DNAJC6: variants seen among roughly 807,000 people sequenced by gnomAD.
The protein encoded by DNAJC6 is DnaJ heat shock protein family (Hsp40) member C6, also known as auxilin.
A neutral mutation model predicts 110.0 loss-of-function variants in DNAJC6; 34 were observed. That is an observed-to-expected ratio of 0.31 (90% confidence interval 0.24 to 0.41). The LOEUF is 0.41. Ranked by LOEUF, DNAJC6 falls within the 10% of genes least tolerant of loss-of-function variation. DNAJC6 has a pLI of 1.00. For missense variants in DNAJC6, 1,031 were observed against 1,207.8 expected (o/e 0.85, Z 2.17); for synonymous variants, 406 against 437.2 (o/e 0.93, Z 0.89).
At chr1:65,336,466 T>C (rs1645338018) in intron 1 of DNAJC6, among the ~76,000 whole-genome samples, 1 of 152,152 alleles carries the variant, frequency 6.6e-6, no homozygotes, top group Non-Finnish European at 1.5e-5. Context: ...ATATATAGTT[T>C]TCTAAATTCA....
At chr1:65,307,399 T>C (rs926198698), upstream of DNAJC6, among the ~76,000 whole-genome samples, 7 of 152,174 alleles carry the variant, frequency 4.6e-5, no homozygotes, top group Admixed American at 3.9e-4. Context: ...GAGATAGATA[T>C]TGAAAAATAC....
chr1:65,325,905 G>C (rs151249477), intron 1 of DNAJC6, among the ~76,000 whole-genome samples: 1 of 152,332 alleles, frequency 6.6e-6, no homozygotes, highest in Non-Finnish European at 1.5e-5. Flanking sequence ...ACAATGGTAA[G>C]TATATATCAA....
chr1:65,339,585 T>C (rs533238045), intron 1 of DNAJC6, among the ~76,000 whole-genome samples: 7 of 152,358 alleles, frequency 4.6e-5, no homozygotes, highest in Non-Finnish European at 1.0e-4. Flanking sequence ...ATACTACTAC[T>C]ACCACTACAT....
chr1:65,364,733 T>G lies in DNAJC6; in HGVS notation c.292T>G (p.Leu98Val). ...GCTCTTTAGTAACCTAAAGGACAAC[T>G]TGAAAGACACCCTCAAAGACACATC... ...GRLFSNLKDNLKDTLKDTSSR... is the reference protein window; with the variant it reads ...GRLFSNLKDNVKDTLKDTSSR... The change falls in exon 2 of 19, where the codon TTG becomes GTG. Residue 98 changes from leucine to valine, a missense_variant. Transcript: ENST00000371069. 6.2e-7 allele frequency: 1 copy of G among 1,613,042 alleles called. No homozygotes were observed. The highest frequency in any genetic ancestry group is 8.5e-7 in the Non-Finnish European group (1 of 1,179,508).
Position 65,365,931 on chromosome 1 carries a change from A to G in DNAJC6, c.391A>G (p.Ile131Val), listed in dbSNP as rs1191964863. ...LDFTYVTSRI[I>V]VMSFPLDNVD... ...CTTCACTTATGTTACCTCCAGAATTATTGGTAAGTTTCTCATGTTTATTAA... is the reference window on the plus strand; with the variant it reads ...CTTCACTTATGTTACCTCCAGAATTGTTGGTAAGTTTCTCATGTTTATTAA... The change falls in exon 3 of 19, where the codon ATT becomes GTT. Residue 131 changes from isoleucine (I) to valine (V), a missense_variant. By Grantham distance (29) the Ile-to-Val change is conservative. Coordinates refer to ENST00000371069, the MANE Select transcript of DNAJC6 (RefSeq NM_001256864.2). 2 of 1,613,442 alleles carry G rather than the reference A, an allele frequency of 1.2e-6. No homozygotes were observed. Among genetic ancestry groups the G allele is most frequent in the African/African-American group, 2.7e-5 (2 of 74,858 alleles).
At chr1:65,395,468 A>T (rs1292542308) in intron 13 of DNAJC6, among the ~76,000 whole-genome samples, 1 of 152,218 alleles carries the variant, frequency 6.6e-6, no homozygotes, top group African/African-American at 2.4e-5. Flanking sequence ...CAAAATTGGT[A>T]TTCCAAAGAA....
At chr1:65,321,409 C>T (rs950012244) in intron 1 of DNAJC6, among the ~76,000 whole-genome samples, 1 of 89,704 alleles carries the variant, frequency 1.1e-5, no homozygotes, top group Non-Finnish European at 2.3e-5. Flanking sequence ...GCTATGTTGC[C>T]CAGGACGGTC....
chr1:65,338,084 G>C (rs1329235610), intron 1 of DNAJC6, among the ~76,000 whole-genome samples: 1 of 152,064 alleles, frequency 6.6e-6, no homozygotes, highest in Non-Finnish European at 1.5e-5. Flanking sequence ...AGAGGGAAAT[G>C]GTGCATAAAG....
At chr1:65,331,736 A>G (rs1185443391) in intron 1 of DNAJC6, among the ~76,000 whole-genome samples, 1 of 152,214 alleles carries the variant, frequency 6.6e-6, no homozygotes, top group African/African-American at 2.4e-5. Context: ...TGGCTTTTAT[A>G]CCATGTTTGC....
At chr1:65,311,788 C>T (rs1330147594) in intron 1 of DNAJC6, among the ~76,000 whole-genome samples, 1 of 152,108 alleles carries the variant, frequency 6.6e-6, no homozygotes, top group Admixed American at 6.5e-5. Context: ...CATATGTTTT[C>T]CTTTTTCATA....
intron 15 of DNAJC6, among the ~76,000 whole-genome samples, chr1:65,403,805 G>GT (rs1646051216): frequency 6.6e-6 from 1 of 152,130 alleles, no homozygotes; most frequent in African/African-American, 2.4e-5. Context: ...TTCTAGAAGG[G>GT]TAGACATCAG....
intron 1 of DNAJC6, among the ~76,000 whole-genome samples, 192 bp downstream of exon 1, chr1:65,310,130 A>T (rs763883830): frequency 9.3e-5 from 14 of 151,058 alleles, no homozygotes; most frequent in Admixed American, 2.0e-4. Flanking sequence ...ACGAAACGTT[A>T]GATCAGTCCT....
intron 1 of DNAJC6, among the ~76,000 whole-genome samples, chr1:65,275,373 T>G (rs1340372946): frequency 6.6e-6 from 1 of 152,250 alleles, no homozygotes; most frequent in Admixed American, 6.5e-5. Flanking sequence ...GAAGCAGGTG[T>G]TCCCCCAGCA....
At chr1:65,410,653 T>A (rs1236544742) in intron 17 of DNAJC6, among the ~76,000 whole-genome samples, 2 of 152,218 alleles carry the variant, frequency 1.3e-5, no homozygotes, top group African/African-American at 4.8e-5. Flanking sequence ...AATCACCTCA[T>A]TTGTTCAAAC....
chr1:65,350,479 G>T (rs887589221), intron 1 of DNAJC6, among the ~76,000 whole-genome samples: 1 of 151,954 alleles, frequency 6.6e-6, no homozygotes, highest in Admixed American at 6.6e-5. Flanking sequence ...TCTATTTACT[G>T]CTCTTTTATT....
In DNAJC6 at chr1:65,378,432, C is replaced by T. The variant is rs535874138; in HGVS notation, c.544-970C>T. On this transcript the variant is annotated intron_variant, in intron 4 of 18. Coordinates refer to ENST00000371069, the MANE Select transcript of DNAJC6 (RefSeq NM_001256864.2). ...ATAATTGCCAACATTTATTATCACTCTGGGTGTGTCAGATACTGAGCTAAG... is the reference window on the plus strand; with the variant it reads ...ATAATTGCCAACATTTATTATCACTTTGGGTGTGTCAGATACTGAGCTAAG... Among the ~76,000 whole-genome samples, 49 of 152,294 alleles carry T rather than the reference C, an allele frequency of 3.2e-4. 1 individual carries two copies. In the South Asian group the frequency reaches 0.01, roughly 32 times the overall value.
intron 1 of DNAJC6, among the ~76,000 whole-genome samples, chr1:65,333,148 GT>G (rs781432161): frequency 6.6e-6 from 1 of 151,838 alleles, no homozygotes; most frequent in African/African-American, 2.4e-5. Context: ...ACCAAGAAAT[GT>G]TTTTTTAAAA....
intron 5 of DNAJC6, among the ~76,000 whole-genome samples, chr1:65,380,326 A>C (rs1259372593): frequency 1.3e-5 from 2 of 152,208 alleles, no homozygotes; most frequent in Non-Finnish European, 2.9e-5. Context: ...AGCTTCTATA[A>C]ATTTTAAAGC....
At chr1:65,277,189 CA>C (rs1168378458) in intron 1 of DNAJC6, among the ~76,000 whole-genome samples, 1 of 151,942 alleles carries the variant, frequency 6.6e-6, no homozygotes, top group Non-Finnish European at 1.5e-5. Flanking sequence ...AATCACAGGC[CA>C]AAAACCAAGG....
Sources: allele counts gnomAD v4.1 joint callset (sites outside exome capture counted in the v4.1 genomes callset), GRCh38; gene constraint gnomAD v4.1.1; transcripts MANE v1.5; gene names NCBI Gene and HGNC (gene_info 2026-07-23, HGNC 2026-07-21).